The following ZNF76 variants were observed in gnomAD, a reference collection of about 807,000 sequenced individuals.
ZNF76 encodes zinc finger protein 523.
A neutral mutation model predicts 66.9 loss-of-function variants in ZNF76; 66 were observed. The ratio of observed to expected loss-of-function variants is 0.99; its 90% CI spans 0.81 to 1.21. ZNF76 has a LOEUF of 1.21. Ranked by LOEUF, ZNF76 falls within the 50% of genes most tolerant of loss-of-function variation. The pLI is 0.00. For synonymous variants in ZNF76, 275 were observed against 296.1 expected (o/e 0.93, Z 0.73); for missense variants, 729 against 760.3 (o/e 0.96, Z 0.48).
intron 12 of ZNF76, 110 bp from the exon 13 acceptor site, chr6:35,294,346 C>G: frequency 1.3e-6 from 1 of 748,036 alleles, no homozygotes; most frequent in Non-Finnish European, 2.3e-6. Context: ...CGGTTTTATC[C>G]ATTCTCTTCT....
intron 1 of ZNF76, among the ~76,000 whole-genome samples, chr6:35,260,916 C>T (rs1210591630): frequency 6.6e-6 from 1 of 152,188 alleles, no homozygotes; most frequent in African/African-American, 2.4e-5. Context: ...CCCTCATTCC[C>T]GGATCACCCT....
chr6:35,290,369 C>T lies in ZNF76; in HGVS notation c.536C>T (p.Ala179Val). The T allele has an allele frequency of 1.2e-6, 2 of 1,614,144 alleles. No individual in the cohort carries two copies. Among genetic ancestry groups the T allele is most frequent in the Non-Finnish European group, 1.7e-6 (2 of 1,179,960 alleles). Residue 179 changes from alanine to valine, a missense_variant, in exon 6 of 14, where the codon GCT becomes GTT. By Grantham distance (64) the Ala-to-Val change is moderately conservative (BLOSUM62 0). Transcript: ENST00000373953. ...YKGCGRLYTTAHHLKVHERAH... is the reference protein window; with the variant it reads ...YKGCGRLYTTVHHLKVHERAH... ...GGCTGTGGGCGTCTCTACACCACCG[C>T]TCATCACTTAAAGGTAAGGTTGCTG...
chr6:35,260,197 C>G lies in ZNF76; in HGVS notation c.-97+356C>G, dbSNP rs28613121. On this transcript the variant is annotated intron_variant, in intron 1 of 13. Coordinates refer to ENST00000373953, the MANE Select transcript of ZNF76 (RefSeq NM_003427.5). ...CCAGCACTTCTCAGAGACCCACCAA[C>G]CAGTGACTCCCTCAGTTTTAATCCG... Among the ~76,000 whole-genome samples the G allele has an allele frequency of 2.8e-3, 423 of 152,236 alleles. 3 individuals are homozygous for G. The highest frequency in any genetic ancestry group is 9.3e-3 in the African/African-American group (387 of 41,536).
intron 1 of ZNF76, among the ~76,000 whole-genome samples, chr6:35,274,079 A>G (rs940475535): frequency 2.6e-5 from 4 of 152,114 alleles, no homozygotes; most frequent in African/African-American, 9.7e-5. Context: ...AACTTTTCCA[A>G]ATCTGGTTCT....
chr6:35,268,196 A>G (rs1239276298), intron 1 of ZNF76, among the ~76,000 whole-genome samples: 1 of 152,222 alleles, frequency 6.6e-6, no homozygotes, highest in Admixed American at 6.5e-5. Context: ...ACTGTAACAG[A>G]AAGTAAGAAT....
rs1242753425 is a variant in ZNF76, at chr6:35,291,305, C to T, written c.653C>T (p.Thr218Ile). Residue 218 changes from threonine to isoleucine, a missense_variant, in exon 8 of 14, where the codon ACC (threonine) becomes ATC (isoleucine). Physicochemically the swap from Thr to Ile is moderately conservative, Grantham distance 89. Coordinates refer to ENST00000373953, the MANE Select transcript of ZNF76 (RefSeq NM_003427.5). ...TGYGLKSHVRTHTGEKPYKCP... is the reference protein window; with the variant it reads ...TGYGLKSHVRIHTGEKPYKCP... ...TATGGACTGAAGAGCCACGTTCGTA[C>T]CCACACTGGTGAGAAACCATACAAG... 6.2e-7 allele frequency: 1 copy of T among 1,613,284 alleles called. No individual in the cohort carries two copies. Among genetic ancestry groups the T allele is most frequent in the African/African-American group, 1.3e-5 (1 of 75,008 alleles).
chr6:35,290,319 CAG>C lies in ZNF76; in HGVS notation c.489_490del (p.Arg163SerfsTer23), dbSNP rs2150373363. On this transcript the variant is annotated frameshift_variant, in exon 6 of 14. Coordinates refer to ENST00000373953, the MANE Select transcript of ZNF76 (RefSeq NM_003427.5). LOFTEE classifies it high-confidence loss of function. ...ATGGAAAAGGGCAGCAAGTTGGAGA[CAG>C]AGCATTCCGCTGTGGCTACAAGGGC... ...RNGKGQQVGD[R>X]AFRCGYKGCG... is the part of the protein sequence containing the mutation. 1.2e-6 allele frequency: 2 copies of C among 1,614,222 alleles called. No individual in the cohort carries two copies. Among genetic ancestry groups the C allele is most frequent in the Non-Finnish European group, 1.7e-6 (2 of 1,180,032 alleles).
At chr6:35,293,147 C>G in intron 11 of ZNF76, 103 bp downstream of exon 11, 1 of 1,397,298 alleles carries the variant, frequency 7.2e-7, no homozygotes, top group South Asian at 1.4e-5. Flanking sequence ...TGCCACCCAG[C>G]TTCTTGTTTA....
At chr6:35,276,414 C>T (rs1468704806) in intron 1 of ZNF76, among the ~76,000 whole-genome samples, 1 of 152,220 alleles carries the variant, frequency 6.6e-6, no homozygotes, top group Admixed American at 6.5e-5. Flanking sequence ...CCTTCCCCTC[C>T]TCCTGATAGC....
At chr6:35,272,957 C>T (rs1787326143) in intron 1 of ZNF76, among the ~76,000 whole-genome samples, 1 of 152,052 alleles carries the variant, frequency 6.6e-6, no homozygotes, top group Non-Finnish European at 1.5e-5. Context: ...CGTTCGAGAC[C>T]AGCCAGGCCA....
intron 6 of ZNF76, 44 bp downstream of exon 6, chr6:35,290,426 C>T (rs774619907): frequency 2.5e-6 from 4 of 1,604,860 alleles, no homozygotes; most frequent in African/African-American, 1.3e-5. Context: ...AGTCTTCCCT[C>T]CCAGGCTGTA....
At chr6:35,290,914 G>A in intron 7 of ZNF76, 198 bp downstream of exon 7, 1 of 622,158 alleles carries the variant, frequency 1.6e-6, no homozygotes, top group East Asian at 2.8e-5. Flanking sequence ...AGCAGAAGGA[G>A]CCTGGAGGGT....
chr6:35,281,239 G>T lies in ZNF76; in HGVS notation c.73+15G>T. 6.2e-7 allele frequency: 1 copy of T among 1,612,074 alleles called. No individual in the cohort carries two copies. The highest frequency in any genetic ancestry group is 8.5e-7 in the Non-Finnish European group (1 of 1,179,148). On this transcript the variant is annotated intron_variant, in intron 2 of 13. Transcript: ENST00000373953. Reference sequence around the variant, plus strand: ...AGCTGTCAAAGGTAAGTATTTCTGGGGACCTCAGGATCCTGCCCTGTCCCT... The same window carrying T: ...AGCTGTCAAAGGTAAGTATTTCTGGTGACCTCAGGATCCTGCCCTGTCCCT...
At chr6:35,266,264 T>C (rs1786048666) in intron 1 of ZNF76, among the ~76,000 whole-genome samples, 1 of 152,136 alleles carries the variant, frequency 6.6e-6, no homozygotes, top group Non-Finnish European at 1.5e-5. Context: ...GTGATTCTTC[T>C]GCCTCAGCCT....
In ZNF76 at chr6:35,287,693, T is replaced by C. The variant is rs370736898; in HGVS notation, c.280T>C (p.Ser94Pro). The C allele has an allele frequency of 1.2e-6, 2 of 1,614,154 alleles. No individual in the cohort carries two copies. The highest frequency in any genetic ancestry group is 1.7e-6 in the Non-Finnish European group (2 of 1,179,996). ...TLEAVQLEDG[S>P]TAYIHHPVAV... ...GGAAGCCGTCCAACTGGAAGATGGCTCCACTGCCTACATTCACCACCCTGT... is the reference window on the plus strand; with the variant it reads ...GGAAGCCGTCCAACTGGAAGATGGCCCCACTGCCTACATTCACCACCCTGT... Residue 94 changes from serine to proline, a missense_variant, in exon 5 of 14, where the codon TCC becomes CCC. Coordinates refer to ENST00000373953, the MANE Select transcript of ZNF76 (RefSeq NM_003427.5). This position sits in a 1 kb window ranked among gnomAD's most constrained non-coding sequence, Gnocchi z 4.0.
At chr6:35,273,715 C>T (rs1787478602) in intron 1 of ZNF76, among the ~76,000 whole-genome samples, 1 of 104,476 alleles carries the variant, frequency 9.6e-6, no homozygotes, top group African/African-American at 3.4e-5. Flanking sequence ...CGGGAGACTC[C>T]ATCTCACAAA....
intron 1 of ZNF76, among the ~76,000 whole-genome samples, chr6:35,277,487 C>T (rs1033936356): frequency 6.6e-6 from 1 of 152,246 alleles, no homozygotes; most frequent in Non-Finnish European, 1.5e-5. Context: ...TGCTTCGCAG[C>T]ATAGTAATTA....
intron 1 of ZNF76, among the ~76,000 whole-genome samples, chr6:35,276,146 G>A (rs1787862351): frequency 6.6e-6 from 1 of 152,132 alleles, no homozygotes; most frequent in Non-Finnish European, 1.5e-5. Context: ...GTTAATATAG[G>A]TAAGGTGCTT....
chr6:35,278,494 A>G (rs1055546957), intron 1 of ZNF76, among the ~76,000 whole-genome samples: 1 of 152,272 alleles, frequency 6.6e-6, no homozygotes, highest in African/African-American at 2.4e-5. Flanking sequence ...GACATCTGCA[A>G]TGTGAACTTC....
Sources: gnomAD v4.1 joint callset for allele counts (sites outside exome capture counted in the v4.1 genomes callset) on GRCh38, gnomAD v4.1.1 for gene constraint, Gnocchi (gnomAD v3.1) non-coding constraint, MANE v1.5 for transcripts, NCBI Gene and HGNC (gene_info 2026-07-23, HGNC 2026-07-21) for gene names.